CHD2: variants seen among roughly 807,000 people sequenced by gnomAD.
CHD2 encodes ATP-dependent chromatin remodeler CHD2.
CHD2 carries 28 observed loss-of-function variants against 243.9 expected under a neutral mutation model. That is an observed-to-expected ratio of 0.11 (90% CI 0.09 to 0.16). The LOEUF (loss-of-function observed/expected upper bound fraction) is 0.16, where lower values mean the gene tolerates loss of function less well. Among genes scored for constraint, CHD2 ranks in the 10% least tolerant of loss-of-function variants. The probability of loss-of-function intolerance (pLI) is 1.00; values close to 1 mark genes in which losing one functional copy is unlikely to be tolerated. For synonymous variants in CHD2, 775 were observed against 779.0 expected (o/e 0.99, Z 0.09); for missense variants, 1,386 against 2,209.8 (o/e 0.63, Z 7.47).
intron 26 of CHD2, among the ~76,000 whole-genome samples, chr15:92,988,007 C>T (rs539276390): frequency 5.3e-5 from 8 of 152,084 alleles, no homozygotes; most frequent in African/African-American, 1.9e-4. Flanking sequence ...GTGCTGTTGT[C>T]GCACATTACA....
chr15:93,013,357 G>T (rs1430733827), intron 36 of CHD2, among the ~76,000 whole-genome samples: 1 of 152,230 alleles, frequency 6.6e-6, no homozygotes, highest in East Asian at 1.9e-4. Flanking sequence ...TTAGAAGGGA[G>T]TGAAAATTAG....
At chr15:92,936,723 T>C (rs974567241) in intron 5 of CHD2, among the ~76,000 whole-genome samples, 1 of 152,176 alleles carries the variant, frequency 6.6e-6, no homozygotes, top group Non-Finnish European at 1.5e-5. Flanking sequence ...TCTAGTATAG[T>C]GGTTCTCAGA....
chr15:92,970,392 A>C (rs1018609914), intron 17 of CHD2, among the ~76,000 whole-genome samples: 2 of 151,900 alleles, frequency 1.3e-5, no homozygotes, highest in African/African-American at 4.8e-5. Flanking sequence ...GTAGAGATGG[A>C]GTTTCATCAT....
At chr15:92,993,617 T>C (rs148094379) in intron 28 of CHD2, among the ~76,000 whole-genome samples, 35 of 151,230 alleles carry the variant, frequency 2.3e-4, no homozygotes, top group African/African-American at 8.5e-4. Flanking sequence ...GAAGTAGTTA[T>C]TGGTAAGGAC....
At position 92,955,506 on chromosome 15, in the gene CHD2, A is replaced by G; in HGVS notation, c.1803A>G (p.Lys601=). The G allele has an allele frequency of 6.3e-7, 1 of 1,590,062 alleles. No individual in the cohort carries two copies. The highest frequency in any genetic ancestry group is 8.5e-7 in the Non-Finnish European group (1 of 1,170,238). The change falls in exon 15 of 39, where the codon AAA becomes AAG. Residue 601 remains lysine, a synonymous_variant. Transcript: ENST00000394196. ...TAACAACATATGAGATCCTCTTGAA[A>G]GATAAGGTGTGTAATTAATATCTAA... The part of the protein sequence containing the change: ...ALITTYEILL[K]DKTVLGSINW...
intron 26 of CHD2, among the ~76,000 whole-genome samples, chr15:92,986,604 T>C (rs552190843): frequency 6.6e-6 from 1 of 152,348 alleles, no homozygotes; most frequent in African/African-American, 2.4e-5. Flanking sequence ...CTCTTCTTGC[T>C]CCCTATTCCC....
chr15:92,907,624 T>G (rs1411188987), intron 2 of CHD2, among the ~76,000 whole-genome samples: 1 of 152,212 alleles, frequency 6.6e-6, no homozygotes, highest in African/African-American at 2.4e-5. Context: ...GAAGAAGCAC[T>G]TATGATTGGA....
chr15:92,953,613 A>T (rs1256207450), intron 14 of CHD2, 40 bp downstream of exon 14: 1 of 1,579,120 alleles, frequency 6.3e-7, no homozygotes. Flanking sequence ...TCTGTGTTAT[A>T]AATGTAATTT....
In CHD2 at chr15:92,972,433, T is replaced by A. The variant is rs1393090256; in HGVS notation, c.2505+16T>A. ...TCCTTTCCAGGTAAGGTGATTTCAG[T>A]AATTGCTGTGGGGGGAATCAATCTC... On this transcript the variant is annotated intron_variant, in intron 19 of 38. Coordinates refer to ENST00000394196, the MANE Select transcript of CHD2 (RefSeq NM_001271.4). 6.3e-7 allele frequency: 1 copy of A among 1,577,240 alleles called. No individual in the cohort carries two copies. Among genetic ancestry groups the A allele is most frequent in the Admixed American group, 1.9e-5 (1 of 52,612 alleles).
At chr15:92,906,630 G>A (rs2052625979) in intron 2 of CHD2, among the ~76,000 whole-genome samples, 1 of 145,386 alleles carries the variant, frequency 6.9e-6, no homozygotes, top group Non-Finnish European at 1.5e-5. Context: ...ACTGCTCTGT[G>A]TCAGCCATTA....
intron 3 of CHD2, among the ~76,000 whole-genome samples, chr15:92,926,757 G>A (rs1567127933): frequency 6.6e-6 from 1 of 152,104 alleles, no homozygotes; most frequent in South Asian, 2.1e-4. Context: ...CCTCATCTGC[G>A]TTTATCTGGG....
chr15:93,023,367 A>C (rs1378171457), intron 38 of CHD2, among the ~76,000 whole-genome samples: 2 of 152,214 alleles, frequency 1.3e-5, no homozygotes, highest in Non-Finnish European at 2.9e-5. Context: ...ATGGCTGAAT[A>C]ATATTTCGTT....
intron 16 of CHD2, 83 bp downstream of exon 16, chr15:92,956,732 G>T (rs777034219): frequency 1.5e-4 from 198 of 1,280,436 alleles, no homozygotes; most frequent in Non-Finnish European, 1.9e-4. Context: ...AGACCTTAGG[G>T]AAAACAGATG....
At chr15:92,919,550 C>T (rs1360768597) in intron 2 of CHD2, among the ~76,000 whole-genome samples, 1 of 152,032 alleles carries the variant, frequency 6.6e-6, no homozygotes, top group Non-Finnish European at 1.5e-5. Context: ...ACTACCATGC[C>T]CAGCTAATTT....
chr15:93,020,576 G>C (rs1277298474), intron 38 of CHD2: 2 of 531,918 alleles, frequency 3.8e-6, no homozygotes, highest in Admixed American at 3.4e-5. Flanking sequence ...GCCACACTAG[G>C]TATCAGGGAT....
chr15:93,023,943 C>G (rs985968481), intron 38 of CHD2, among the ~76,000 whole-genome samples: 4 of 138,974 alleles, frequency 2.9e-5, no homozygotes, highest in Non-Finnish European at 6.6e-5. Flanking sequence ...AATTTTAATA[C>G]TCTTCACACT....
chr15:92,983,418 T>C (rs1295509439), intron 24 of CHD2, among the ~76,000 whole-genome samples: 1 of 152,218 alleles, frequency 6.6e-6, no homozygotes, highest in Admixed American at 6.5e-5. Flanking sequence ...TTAATTTTAG[T>C]TAATTTTAGC....
chr15:92,972,045 T>A, intron 18 of CHD2, 118 bp downstream of exon 18: 1 of 1,171,706 alleles, frequency 8.5e-7, no homozygotes, highest in South Asian at 1.6e-5. Context: ...AAGGAAGCTT[T>A]AAAAATGGGA....
intron 26 of CHD2, among the ~76,000 whole-genome samples, chr15:92,986,871 A>G (rs1440383478): frequency 1.3e-5 from 2 of 152,006 alleles, no homozygotes; most frequent in Non-Finnish European, 2.9e-5. Flanking sequence ...AGCCAGGTCT[A>G]CAGGCATGTG....
Sources: allele counts gnomAD v4.1 joint callset (sites outside exome capture counted in the v4.1 genomes callset), GRCh38; gene constraint gnomAD v4.1.1; transcripts MANE v1.5; gene names NCBI Gene and HGNC (gene_info 2026-07-23, HGNC 2026-07-21).